The following RMDN3 variants were observed in gnomAD, a reference collection of about 807,000 sequenced individuals.
RMDN3 encodes the protein regulator of microtubule dynamics 3.
Under a neutral mutation model 61.8 loss-of-function variants are expected in RMDN3, and 41 were observed. The observed-to-expected ratio is 0.66, with a 90% confidence interval of 0.52 to 0.86. The LOEUF (loss-of-function observed/expected upper bound fraction) is 0.86. RMDN3 is among the 40% of genes least tolerant of loss of function. RMDN3 has a pLI of 0.00. For synonymous variants in RMDN3, 247 were observed against 232.0 expected (o/e 1.06, Z -0.59); for missense variants, 557 against 585.3 (o/e 0.95, Z 0.50).
chr15:40,737,072 G>A (rs574748998), intron 12 of RMDN3, 52 bp downstream of exon 12: 21 of 1,460,610 alleles, frequency 1.4e-5, no homozygotes, highest in African/African-American at 2.8e-5. Flanking sequence ...AGGCTGTCTC[G>A]AACTCCCGAC....
At chr15:40,743,016 T>C (rs530711691) in intron 6 of RMDN3, among the ~76,000 whole-genome samples, 1 of 152,264 alleles carries the variant, frequency 6.6e-6, no homozygotes, top group Admixed American at 6.5e-5. Flanking sequence ...GACAGAATTC[T>C]ACAAATGTTT....
rs144634421 is a variant in RMDN3 at position 40,736,306 on chromosome 15, AAG to A, written c.*233_*234del. ...GGCAGGTGTGAATCTTGATTTTTTT[AAG>A]AGATTACTCAAGGGAGAGAACAACA... On this transcript the variant is annotated 3_prime_UTR_variant, in exon 13 of 13. Coordinates refer to ENST00000338376, the MANE Select transcript of RMDN3 (RefSeq NM_018145.3). 1.2e-3 allele frequency: 562 copies of A among 462,064 alleles called. 2 individuals carry two copies. Among genetic ancestry groups the A allele is most frequent in the African/African-American group, 0.011 (535 of 49,590 alleles). The allele number at this position is 462,064 out of a possible 1,614,324, so 28.6% of individuals were successfully genotyped here.
chr15:40,752,497 A>C (rs1897872431), intron 2 of RMDN3, among the ~76,000 whole-genome samples: 1 of 150,068 alleles, frequency 6.7e-6, no homozygotes, highest in African/African-American at 2.4e-5. Flanking sequence ...TTAAAAAAAA[A>C]CAAAAACCTT....
chr15:40,741,532 G>A (rs987463062), intron 6 of RMDN3, among the ~76,000 whole-genome samples: 3 of 151,128 alleles, frequency 2.0e-5, no homozygotes, highest in East Asian at 3.9e-4. Context: ...TCTGACAAGC[G>A]TCACTTAAGA....
chr15:40,740,369 G>A (rs1243907203), intron 6 of RMDN3, among the ~76,000 whole-genome samples, 176 bp from the exon 7 acceptor site: 6 of 152,244 alleles, frequency 3.9e-5, no homozygotes, highest in Admixed American at 2.0e-4. Flanking sequence ...AGTCACAGTG[G>A]CTCACGCCTC....
In RMDN3 at chr15:40,754,581, G is replaced by A; in HGVS notation, c.187+16C>T. 6 of 1,603,884 alleles carry A rather than the reference G, an allele frequency of 3.7e-6. No individual in the cohort carries two copies. The highest frequency in any genetic ancestry group is 4.3e-6 in the Non-Finnish European group (5 of 1,173,568). ...TTAGTCTGCAGTGACCGCGGTCTCA[G>A]GAGACGGGCTCCTACCGTGGCGTCC... On this transcript the variant is annotated intron_variant, in intron 2 of 12. Coordinates refer to ENST00000338376, the MANE Select transcript of RMDN3 (RefSeq NM_018145.3).
intron 4 of RMDN3, among the ~76,000 whole-genome samples, chr15:40,746,618 C>T (rs1897576486): frequency 6.6e-6 from 1 of 152,050 alleles, no homozygotes; most frequent in African/African-American, 2.4e-5. Context: ...AACTGACAGC[C>T]TAATGTCAGG....
intron 12 of RMDN3, 42 bp downstream of exon 12, chr15:40,737,082 C>T (rs1316305143): frequency 6.5e-7 from 1 of 1,530,692 alleles, no homozygotes; most frequent in Non-Finnish European, 9.1e-7. Flanking sequence ...GAACTCCCGA[C>T]TTCAGGTGAT....
Position 40,738,188 on chromosome 15 carries a change from A to G in RMDN3, c.1048-146T>C, listed in dbSNP as rs372707594. ...GATCACCTGAGGTCAGGAGTTCGAA[A>G]CCAGTCCTGGCCAACATGGTGAAAC... On this transcript the variant is annotated intron_variant, in intron 8 of 12. Coordinates refer to ENST00000338376, the MANE Select transcript of RMDN3 (RefSeq NM_018145.3). 35 of 820,970 alleles carry G rather than the reference A, an allele frequency of 4.3e-5. 1 individual carries two copies. The highest frequency in any genetic ancestry group is 3.0e-4 in the East Asian group (12 of 39,946). 50.9% of individuals were successfully genotyped at this position (820,970 alleles called of 1,614,324 possible).
chr15:40,737,927 T>C (rs1169024119), intron 9 of RMDN3, 38 bp downstream of exon 9: 2 of 1,607,130 alleles, frequency 1.2e-6, no homozygotes, highest in Non-Finnish European at 1.7e-6. Context: ...TCAGAAGGCA[T>C]TTAGGACCAT....
intron 2 of RMDN3, among the ~76,000 whole-genome samples, chr15:40,752,521 A>G (rs1272561473): frequency 6.6e-6 from 1 of 152,062 alleles, no homozygotes; most frequent in Non-Finnish European, 1.5e-5. Context: ...CTCACCATAT[A>G]GTGCCCAATA....
At chr15:40,740,060 C>G in intron 7 of RMDN3, 73 bp downstream of exon 7, 1 of 984,634 alleles carries the variant, frequency 1.0e-6, no homozygotes, top group Non-Finnish European at 1.6e-6. Context: ...GTGGCCCAGG[C>G]AGAGAAAAGA....
Position 40,736,189 on chromosome 15 carries a change from T to A in RMDN3, c.*352A>T. 1 of 266,034 alleles carries A rather than the reference T, an allele frequency of 3.8e-6. No homozygotes were observed. The highest frequency in any genetic ancestry group is 7.0e-6 in the Non-Finnish European group (1 of 142,120). The allele number at this position is 266,034 out of a possible 1,614,324, so 16.5% of individuals were successfully genotyped here. On this transcript the variant is annotated 3_prime_UTR_variant, in exon 13 of 13. Transcript: ENST00000338376. Reference sequence around the variant, plus strand: ...TGAAAAAGATTAAAGTGACAAGTTATGTGCTTTGTTCCTATAGCTTTGAAG... The same window carrying A: ...TGAAAAAGATTAAAGTGACAAGTTAAGTGCTTTGTTCCTATAGCTTTGAAG...
intron 4 of RMDN3, among the ~76,000 whole-genome samples, chr15:40,749,496 C>T (rs1035780305): frequency 1.3e-5 from 2 of 152,222 alleles, no homozygotes; most frequent in African/African-American, 4.8e-5. Context: ...GCCTGGGCAA[C>T]AGAGTGAGAC....
intron 4 of RMDN3, among the ~76,000 whole-genome samples, chr15:40,746,085 A>G (rs929230717): frequency 4.6e-5 from 7 of 152,334 alleles, no homozygotes; most frequent in African/African-American, 1.7e-4. Context: ...AGGAGCCCCA[A>G]CCCTGATGCA....
intron 12 of RMDN3, among the ~76,000 whole-genome samples, chr15:40,736,848 G>A (rs899176526): frequency 1.2e-4 from 19 of 152,070 alleles, no homozygotes; most frequent in Non-Finnish European, 2.8e-4. Context: ...GTGATGACAG[G>A]CAGTTTTGTT....
chr15:40,746,356 A>C lies in RMDN3; in HGVS notation c.525-1097T>G, dbSNP rs183808899. 2.1e-3 allele frequency among the ~76,000 whole-genome samples: 319 copies of C among 152,122 alleles called. 2 individuals are homozygous for C. Among genetic ancestry groups the C allele is most frequent in the Non-Finnish European group, 1.2e-3 (84 of 67,980 alleles). On this transcript the variant is annotated intron_variant, in intron 4 of 12. Transcript: ENST00000338376. ...CGGTGAAACCCTGTCTCTACTAAAA[A>C]ATACAAAAAATTAGCCAGGCATGGT...
intron 2 of RMDN3, among the ~76,000 whole-genome samples, chr15:40,753,329 T>C (rs1477775823): frequency 6.6e-6 from 1 of 152,076 alleles, no homozygotes; most frequent in East Asian, 1.9e-4. Context: ...CTGGCCAACA[T>C]GGGGAAACCC....
At chr15:40,754,505 C>A in intron 2 of RMDN3, 92 bp downstream of exon 2, 2 of 1,319,510 alleles carry the variant, frequency 1.5e-6, no homozygotes, top group Non-Finnish European at 2.1e-6. Context: ...CACTTCTCTC[C>A]GTTACCCTGT....
Sources: gnomAD v4.1 joint callset for allele counts (sites outside exome capture counted in the v4.1 genomes callset) on GRCh38, gnomAD v4.1.1 for gene constraint, MANE v1.5 for transcripts, NCBI Gene and HGNC (gene_info 2026-07-23, HGNC 2026-07-21) for gene names.